SV2C: variants seen among roughly 807,000 people sequenced by gnomAD.
SV2C encodes synaptic vesicle glycoprotein 2C.
SV2C carries 49 observed loss-of-function variants against 79.7 expected under a neutral mutation model. The observed-to-expected ratio is 0.61, with a 90% confidence interval of 0.49 to 0.78. SV2C has a LOEUF of 0.78. Among genes scored for constraint, SV2C ranks in the 30% least tolerant of loss-of-function variants. SV2C has a pLI of 0.00. For synonymous variants in SV2C, 334 were observed against 333.2 expected, an observed-to-expected ratio of 1.00 and a Z score of -0.03; for missense variants, 833 against 912.9, an observed-to-expected ratio of 0.91 and a Z score of 1.13.
intron 12 of SV2C, among the ~76,000 whole-genome samples, chr5:76,324,739 G>A (rs772886724): frequency 6.6e-6 from 1 of 151,972 alleles, no homozygotes; most frequent in African/African-American, 2.4e-5. Context: ...GTAGTCCCAA[G>A]TAGCAACTCA....
At chr5:76,318,490 C>G (rs945534090) in intron 12 of SV2C, among the ~76,000 whole-genome samples, 2 of 152,020 alleles carry the variant, frequency 1.3e-5, no homozygotes, top group Non-Finnish European at 2.9e-5. Flanking sequence ...TCGTGAAGGC[C>G]CCAGAGAGGG....
chr5:75,920,479 C>T, the SV2C span, among the ~76,000 whole-genome samples: 87 of 152,250 alleles, frequency 5.7e-4, no homozygotes, highest in Non-Finnish European at 9.7e-4. Context: ...TTAAGAAACC[C>T]CCCCAACCAC....
At chr5:76,227,505 C>T (rs1451975116) in intron 4 of SV2C, among the ~76,000 whole-genome samples, 1 of 152,188 alleles carries the variant, frequency 6.6e-6, no homozygotes, top group Non-Finnish European at 1.5e-5. Context: ...CTCTATCTTA[C>T]AGAATTGTCT....
chr5:76,198,295 A>T (rs527779615), intron 3 of SV2C, among the ~76,000 whole-genome samples: 1 of 152,140 alleles, frequency 6.6e-6, no homozygotes, highest in African/African-American at 2.4e-5. Context: ...AGGTGGATCT[A>T]TCATGAATAG....
intron 12 of SV2C, among the ~76,000 whole-genome samples, chr5:76,347,118 T>A (rs941291428): frequency 6.3e-4 from 65 of 103,916 alleles, no homozygotes; most frequent in African/African-American, 4.2e-3. Flanking sequence ...AAAGCTGAGC[T>A]GTGATGGAGG....
chr5:76,302,144 G>T (rs1398008769), intron 12 of SV2C, among the ~76,000 whole-genome samples: 2 of 152,156 alleles, frequency 1.3e-5, no homozygotes, highest in Non-Finnish European at 2.9e-5. Context: ...AAGCAGTGAG[G>T]ATTAGAGTTT....
intron 1 of SV2C, among the ~76,000 whole-genome samples, chr5:76,128,796 G>A (rs955956740): frequency 2.0e-5 from 3 of 152,084 alleles, no homozygotes; most frequent in Admixed American, 6.6e-5. Flanking sequence ...CTCCATAATC[G>A]ATTCGAGAAA....
the SV2C span, among the ~76,000 whole-genome samples, chr5:75,928,615 C>T: frequency 0.013 from 1,967 of 152,210 alleles, 36 homozygotes; most frequent in African/African-American, 0.046. Context: ...GATATATAAT[C>T]CCCAAAATGA....
intron 2 of SV2C, among the ~76,000 whole-genome samples, chr5:76,138,039 G>A (rs1749125915): frequency 6.6e-6 from 1 of 152,250 alleles, no homozygotes; most frequent in Non-Finnish European, 1.5e-5. Context: ...TTATGAAGTA[G>A]CCAGGATGTG....
At chr5:75,910,647 C>A in the SV2C span, 2 of 937,262 alleles carry the variant, frequency 2.1e-6, no homozygotes, top group Non-Finnish European at 3.5e-6. Context: ...CACCTGGATG[C>A]AGTGCAGAAT....
the SV2C span, among the ~76,000 whole-genome samples, chr5:75,870,448 T>A: frequency 6.6e-6 from 1 of 151,646 alleles, no homozygotes; most frequent in Non-Finnish European, 1.5e-5. Flanking sequence ...GACAGGCTAT[T>A]TGAAAATACA....
intron 1 of SV2C, among the ~76,000 whole-genome samples, chr5:76,092,773 C>T (rs1316517684): frequency 6.6e-6 from 1 of 152,140 alleles, no homozygotes; most frequent in Non-Finnish European, 1.5e-5. Flanking sequence ...TCTTCCCCAA[C>T]TCCCGCCATA....
At chr5:76,185,485 G>A (rs1056502695) in intron 2 of SV2C, among the ~76,000 whole-genome samples, 3 of 152,266 alleles carry the variant, frequency 2.0e-5, no homozygotes, top group African/African-American at 7.2e-5. Flanking sequence ...ACATCCAGGA[G>A]TTTCCATACA....
the SV2C span, among the ~76,000 whole-genome samples, chr5:75,856,955 CTT>C: frequency 6.5e-3 from 830 of 128,466 alleles, 5 homozygotes; most frequent in African/African-American, 0.023. Context: ...GTCTTTAATC[CTT>C]TTTTTTTTTT....
At chr5:76,338,895 G>A (rs971573884), downstream of SV2C, among the ~76,000 whole-genome samples, 1 of 151,988 alleles carries the variant, frequency 6.6e-6, no homozygotes, top group African/African-American at 2.4e-5. Context: ...GACCTCAGGT[G>A]ATCCAACCGC....
chr5:76,032,659 T>C, the SV2C span, among the ~76,000 whole-genome samples: 1 of 152,358 alleles, frequency 6.6e-6, no homozygotes, highest in East Asian at 1.9e-4. Flanking sequence ...GTTGGACATC[T>C]GGGTTGGTTC....
rs1192362686 is a variant in SV2C, at chr5:76,333,310, T to C, written c.*7763T>C. On this transcript the variant is annotated 3_prime_UTR_variant, in exon 13 of 13. Coordinates refer to ENST00000502798, the MANE Select transcript of SV2C (RefSeq NM_014979.4). The stretch of plus-strand genomic sequence containing the variant: ...TACACTTTCTTAGCATCCATGCAGT[T>C]ATGTATCCTCATCCTGATCCAGGAA... 6.6e-6 allele frequency: 1 copy of C among 152,266 alleles called. No individual in the cohort carries two copies. The highest frequency in any genetic ancestry group is 1.5e-5 in the Non-Finnish European group (1 of 68,052). The allele number at this position is 152,266 out of a possible 1,614,324, so 9.4% of individuals were successfully genotyped here.
chr5:75,865,852 C>A, the SV2C span, among the ~76,000 whole-genome samples: 1 of 152,200 alleles, frequency 6.6e-6, no homozygotes, highest in Non-Finnish European at 1.5e-5. Context: ...CTTGGGTTAG[C>A]CAACCTTTGT....
At chr5:76,037,996 C>T in the SV2C span, among the ~76,000 whole-genome samples, 1 of 152,198 alleles carries the variant, frequency 6.6e-6, no homozygotes, top group African/African-American at 2.4e-5. Context: ...GTGGGAGTGA[C>T]CCGATTTTCC....
Sources: allele counts gnomAD v4.1 joint callset (sites outside exome capture counted in the v4.1 genomes callset), GRCh38; gene constraint gnomAD v4.1.1; transcripts MANE v1.5; gene names NCBI Gene and HGNC (gene_info 2026-07-23, HGNC 2026-07-21).